Variants in CCDC39 observed in about 807,000 individuals in gnomAD.
CCDC39 encodes the protein coiled-coil domain 39 molecular ruler complex subunit.
A neutral mutation model predicts 121.0 loss-of-function variants in CCDC39; 113 were observed. The observed-to-expected ratio is 0.93, with a 90% CI of 0.80 to 1.09. CCDC39 has a LOEUF of 1.09. Among genes scored for constraint, CCDC39 ranks in the 50% least tolerant of loss-of-function variants. The pLI, the probability that CCDC39 is intolerant of heterozygous loss-of-function variation, is 0.00. For synonymous variants in CCDC39, 349 were observed against 352.2 expected (o/e 0.99, Z 0.10); for missense variants, 1,063 against 1,074.7 (o/e 0.99, Z 0.15).
At chr3:180,621,439 T>C (rs577670965) in intron 14 of CCDC39, among the ~76,000 whole-genome samples, 1 of 152,124 alleles carries the variant, frequency 6.6e-6, no homozygotes, top group Non-Finnish European at 1.5e-5. Context: ...TTTTCTGTCT[T>C]TCTAATGGCC....
In CCDC39 at chr3:180,616,965, C is replaced by A; in HGVS notation, c.2267G>T (p.Ser756Ile). 1 of 1,337,610 alleles carries A rather than the reference C, an allele frequency of 7.5e-7. No individual in the cohort carries two copies. The highest frequency in any genetic ancestry group is 1.5e-5 in the South Asian group (1 of 67,968). The allele number at this position is 1,337,610 out of a possible 1,614,324, so 82.9% of individuals were successfully genotyped here. ...TATAACATCTAATGTATTTTCCATGCTCTGTAGAAAAAATATTAACATGTA... is the reference window on the plus strand; with the variant it reads ...TATAACATCTAATGTATTTTCCATGATCTGTAGAAAAAATATTAACATGTA... ...QIRELQEDIQ[S>I]MENTLDVIEH... Residue 756 changes from serine (S) to isoleucine (I), a missense_variant and splice_region_variant, in exon 17 of 20, where the codon AGC becomes ATC. Physicochemically the swap from Ser to Ile is moderately radical, Grantham distance 142. Transcript: ENST00000476379.
chr3:180,650,508 A>G (rs1410534368), intron 9 of CCDC39, among the ~76,000 whole-genome samples: 1 of 152,182 alleles, frequency 6.6e-6, no homozygotes, highest in Non-Finnish European at 1.5e-5. Context: ...GCAGGGACAT[A>G]GGTACAGTAG....
chr3:180,658,160 A>C (rs949333749), intron 6 of CCDC39, among the ~76,000 whole-genome samples: 4 of 151,732 alleles, frequency 2.6e-5, no homozygotes, highest in Non-Finnish European at 5.9e-5. Context: ...AATTGCTTGA[A>C]TCCGGGAGGC....
At position 180,651,520 on chromosome 3, in the gene CCDC39, T is replaced by C; in HGVS notation, c.1048A>G (p.Lys350Glu). Reference sequence around the variant, plus strand: ...GTTTGTATTATCTCATTATGATTTTTAGTTTTTTGTAACCTGAAGAGGGTT... The same window carrying C: ...GTTTGTATTATCTCATTATGATTTTCAGTTTTTTGTAACCTGAAGAGGGTT... ...HEETARLQKT[K>E]NHNEIIQTKL... The change falls in exon 9 of 20, where the codon AAA becomes GAA. Residue 350 changes from lysine (K) to glutamate (E), a missense_variant. Lys to Glu is a moderately conservative substitution (Grantham distance 56, BLOSUM62 1). Coordinates refer to ENST00000476379, the MANE Select transcript of CCDC39 (RefSeq NM_181426.2). 2 of 1,525,928 alleles carry C rather than the reference T, an allele frequency of 1.3e-6. No individual in the cohort carries two copies. The highest frequency in any genetic ancestry group is 2.6e-5 in the South Asian group (2 of 77,250). The allele number at this position is 1,525,928 out of a possible 1,614,324, so 94.5% of individuals were successfully genotyped here.
At chr3:180,650,901 C>A (rs1718189203) in intron 9 of CCDC39, among the ~76,000 whole-genome samples, 1 of 151,382 alleles carries the variant, frequency 6.6e-6, no homozygotes, top group African/African-American at 2.4e-5. Flanking sequence ...ACAAAGACAT[C>A]AAAATTAGTA....
intron 16 of CCDC39, among the ~76,000 whole-genome samples, 182 bp downstream of exon 16, chr3:180,619,077 C>G (rs1717351756): frequency 6.6e-6 from 1 of 152,032 alleles, no homozygotes; most frequent in African/African-American, 2.4e-5. Flanking sequence ...ACTAATTTAC[C>G]TAAGACTCTG....
At chr3:180,650,567 T>A (rs1354283083) in intron 9 of CCDC39, among the ~76,000 whole-genome samples, 3 of 151,988 alleles carry the variant, frequency 2.0e-5, no homozygotes, top group South Asian at 2.1e-4. Context: ...GCTACTTTTT[T>A]AAAAAGTAGC....
intron 6 of CCDC39, among the ~76,000 whole-genome samples, chr3:180,659,191 C>T (rs994995534): frequency 6.6e-6 from 1 of 152,186 alleles, no homozygotes; most frequent in Non-Finnish European, 1.5e-5. Context: ...ATTGCCAGAA[C>T]AGTATCTACT....
chr3:180,628,498 C>T (rs1717618363), intron 14 of CCDC39, among the ~76,000 whole-genome samples: 1 of 152,184 alleles, frequency 6.6e-6, no homozygotes, highest in Non-Finnish European at 1.5e-5. Context: ...TGAGCTACTG[C>T]ACCTGGCCTG....
chr3:180,663,807 T>C, intron 2 of CCDC39, 60 bp downstream of exon 2: 1 of 1,532,296 alleles, frequency 6.5e-7, no homozygotes. Flanking sequence ...CAGATGTAAA[T>C]ATACTATGAG....
At chr3:180,651,141 G>C (rs1718196973) in intron 9 of CCDC39, among the ~76,000 whole-genome samples, 2 of 151,990 alleles carry the variant, frequency 1.3e-5, no homozygotes, top group South Asian at 4.1e-4. Context: ...GTTGCAGTGA[G>C]CCAAGATCTC....
chr3:180,644,245 A>G lies in CCDC39; in HGVS notation c.1540T>C (p.Phe514Leu). ...QIKKLHNDLY[F>L]IKKAHSKNSD... The stretch of plus-strand genomic sequence containing the variant: ...TTTTTACTATGTGCCTTCTTGATAA[A>G]ATAAAGATCATTCTGCAAAAAAGAA... Residue 514 changes from phenylalanine to leucine, a missense_variant, in exon 12 of 20, where the codon TTT becomes CTT. Physicochemically the swap from Phe to Leu is conservative, Grantham distance 22. Coordinates refer to ENST00000476379, the MANE Select transcript of CCDC39 (RefSeq NM_181426.2). 6.6e-7 allele frequency: 1 copy of G among 1,520,180 alleles called. No individual in the cohort carries two copies. The highest frequency in any genetic ancestry group is 8.8e-7 in the Non-Finnish European group (1 of 1,134,596). The allele number at this position is 1,520,180 out of a possible 1,614,324, so 94.2% of individuals were successfully genotyped here. A position where few individuals can be genotyped will look rare whatever the true frequency, so the allele number is the denominator to read the frequency against.
intron 17 of CCDC39, 51 bp from the exon 18 acceptor site, chr3:180,616,746 AAT>A: frequency 6.4e-7 from 1 of 1,572,288 alleles, no homozygotes; most frequent in Non-Finnish European, 8.7e-7. Flanking sequence ...ACCAGAATTT[AAT>A]ATTTTTAATA....
At chr3:180,643,361 GA>G (rs1390029405) in intron 12 of CCDC39, among the ~76,000 whole-genome samples, 1 of 151,098 alleles carries the variant, frequency 6.6e-6, no homozygotes, top group Non-Finnish European at 1.5e-5. Flanking sequence ...GAGCTCCAAA[GA>G]AAAAAAATAT....
Position 180,642,109 on chromosome 3 carries a change from T to C in CCDC39, c.1758A>G (p.Glu586=). The C allele has an allele frequency of 6.2e-7, 1 of 1,613,228 alleles. No homozygotes were observed. The highest frequency in any genetic ancestry group is 8.5e-7 in the Non-Finnish European group (1 of 1,179,328). The change falls in exon 13 of 20, where the codon GAA becomes GAG. Residue 586 remains glutamate, a synonymous_variant. Transcript: ENST00000476379. ...HSKAEEVLSL[E]KRKQQLYTAM... ...CTGTGTATAATTGCTGTTTTCTTTT[T>C]TCTAGGGAAAGAACTTCTTCTGCCT...
chr3:180,650,724 GCA>G (rs1308245222), intron 9 of CCDC39, among the ~76,000 whole-genome samples: 1 of 151,750 alleles, frequency 6.6e-6, no homozygotes, highest in African/African-American at 2.4e-5. Flanking sequence ...AGGTGTGGTG[GCA>G]CGCGCCTGTA....
intron 9 of CCDC39, 28 bp from the exon 10 acceptor site, chr3:180,648,387 G>A: frequency 9.8e-6 from 13 of 1,327,472 alleles, no homozygotes; most frequent in South Asian, 3.3e-5. Context: ...AGTGATTAAT[G>A]GAATTAAATA....
chr3:180,662,035 G>T (rs1184074080), intron 2 of CCDC39, 28 bp from the exon 3 acceptor site: 5 of 1,510,148 alleles, frequency 3.3e-6, no homozygotes, highest in Admixed American at 2.6e-5. Flanking sequence ...AGATAAAAAG[G>T]CTTTTAAAAT....
In CCDC39 at chr3:180,654,749, T is replaced by C. The variant is rs1441109918; in HGVS notation, c.930+13A>G. 3 of 1,584,420 alleles carry C rather than the reference T, an allele frequency of 1.9e-6. No homozygotes were observed. Among genetic ancestry groups the C allele is most frequent in the Non-Finnish European group, 8.6e-7 (1 of 1,161,570 alleles). On this transcript the variant is annotated intron_variant, in intron 7 of 19. Transcript: ENST00000476379. ...CGTGAACATACAAGCCAGTCTTTTT[T>C]GAGTTGACATACCTCACCCTTCAGC...
Sources: gnomAD v4.1 joint callset for allele counts (sites outside exome capture counted in the v4.1 genomes callset) on GRCh38, gnomAD v4.1.1 for gene constraint, MANE v1.5 for transcripts, NCBI Gene and HGNC (gene_info 2026-07-23, HGNC 2026-07-21) for gene names.